PCDHGA10: variants seen among roughly 807,000 people sequenced by gnomAD.
PCDHGA10 encodes protocadherin gamma subfamily A, 10.
A neutral mutation model predicts 59.5 loss-of-function variants in PCDHGA10; 42 were observed. The observed-to-expected ratio is 0.71, with a 90% CI of 0.55 to 0.91. The LOEUF is 0.91. Among genes scored for constraint, PCDHGA10 ranks in the 40% least tolerant of loss-of-function variants. The probability of loss-of-function intolerance (pLI) is 0.00; values close to 1 mark genes in which losing one functional copy is unlikely to be tolerated. For missense variants in PCDHGA10, 1,111 were observed against 1,198.2 expected (o/e 0.93, Z 1.07); for synonymous variants, 511 against 517.2 (o/e 0.99, Z 0.16).
intron 1 of PCDHGA10, among the ~76,000 whole-genome samples, chr5:141,482,354 G>C (rs1461472845): frequency 6.6e-6 from 1 of 152,096 alleles, no homozygotes; most frequent in Non-Finnish European, 1.5e-5. Context: ...CTTGTTGTGA[G>C]AGTGAAAAGT....
Position 141,431,349 on chromosome 5 carries a change from A to G in PCDHGA10, c.2436+15738A>G. 1.2e-6 allele frequency: 2 copies of G among 1,614,026 alleles called. No individual in the cohort carries two copies. The highest frequency in any genetic ancestry group is 4.5e-5 in the East Asian group (2 of 44,874). On this transcript the variant is annotated intron_variant, in intron 1 of 3. Coordinates refer to ENST00000398610, the MANE Select transcript of PCDHGA10 (RefSeq NM_018913.3). This position sits in a 1 kb window ranked among gnomAD's most constrained non-coding sequence, Gnocchi z 4.8. ...AGTAAGTACCCCGAATTGGTGCTGAAACGCGCCCTGGACCGCGAAGAAAAG... is the reference window on the plus strand; with the variant it reads ...AGTAAGTACCCCGAATTGGTGCTGAGACGCGCCCTGGACCGCGAAGAAAAG...
At chr5:141,425,258 G>T (rs965944291) in intron 1 of PCDHGA10, among the ~76,000 whole-genome samples, 2 of 152,134 alleles carry the variant, frequency 1.3e-5, no homozygotes, top group Non-Finnish European at 2.9e-5. Context: ...GAGGTATTTG[G>T]CTGGGAAAAG....
Position 141,414,342 on chromosome 5 carries a change from C to A in PCDHGA10, c.1167C>A (p.Ser389=). Residue 389 remains serine, a synonymous_variant, in exon 1 of 4, where the codon TCC becomes TCA. Coordinates refer to ENST00000398610, the MANE Select transcript of PCDHGA10 (RefSeq NM_018913.3). ...AGCAGAATGGACAGGTAACCTGTTC[C>A]ATTTTGGCGTATCTACCATTTAAAT... ...DSEQNGQVTC[S]ILAYLPFKLE... is the part of the protein sequence containing the mutation. The A allele has an allele frequency of 1.2e-6, 2 of 1,613,810 alleles. No homozygotes were observed. The highest frequency in any genetic ancestry group is 2.2e-5 in the East Asian group (1 of 44,852).
chr5:141,495,107 A>G (rs559621284), intron 2 of PCDHGA10, among the ~76,000 whole-genome samples: 1 of 152,166 alleles, frequency 6.6e-6, no homozygotes, highest in East Asian at 1.9e-4. Flanking sequence ...CACGACCGGC[A>G]CCTTTTCCTA....
chr5:141,508,535 C>A (rs1294413041), intron 3 of PCDHGA10, among the ~76,000 whole-genome samples: 1 of 152,172 alleles, frequency 6.6e-6, no homozygotes, highest in Non-Finnish European at 1.5e-5. Context: ...GGGCACCCCC[C>A]ACGAGGTGGG....
intron 1 of PCDHGA10, chr5:141,429,167 TATAC>T (rs1240034860): frequency 7.3e-6 from 1 of 136,106 alleles, no homozygotes; most frequent in African/African-American, 2.9e-5. Flanking sequence ...AGACATTGTT[TATAC>T]ACACACACAC....
At chr5:141,497,745 G>C (rs1475395529) in intron 2 of PCDHGA10, among the ~76,000 whole-genome samples, 1 of 152,070 alleles carries the variant, frequency 6.6e-6, no homozygotes, top group Non-Finnish European at 1.5e-5. Flanking sequence ...CGCCACGTTG[G>C]CCAGGCTGGT....
Position 141,511,267 on chromosome 5 carries a change from C to T in PCDHGA10, c.*94C>T, listed in dbSNP as rs1223074819. 1.3e-6 allele frequency: 2 copies of T among 1,549,404 alleles called. No homozygotes were observed. Among genetic ancestry groups the T allele is most frequent in the Non-Finnish European group, 1.7e-6 (2 of 1,146,836 alleles). On this transcript the variant is annotated 3_prime_UTR_variant, in exon 4 of 4. Transcript: ENST00000398610. ...CCAGGCCTCAGAGTTTCAGGGCTAA[C>T]CCCCAGAATACTGGTAGGGGCCAAG...
At position 141,419,268 on chromosome 5, in the gene PCDHGA10, C is replaced by T. The variant is rs1240259934; in HGVS notation, c.2436+3657C>T. 6.2e-6 allele frequency: 10 copies of T among 1,614,050 alleles called. No homozygotes were observed. The East Asian group carries it at 2.2e-4, about 36-fold the overall frequency. ...CCAGAAAACAACCAGCCGGGTGCCT[C>T]CATAGCGCAAGTCAGTGCCTCTGAC... is the stretch of plus-strand genomic sequence containing the variant. On this transcript the variant is annotated intron_variant, in intron 1 of 3. Transcript: ENST00000398610.
chr5:141,480,816 G>A (rs1400500941), intron 1 of PCDHGA10, among the ~76,000 whole-genome samples: 4 of 152,208 alleles, frequency 2.6e-5, no homozygotes, highest in Admixed American at 2.0e-4. Flanking sequence ...GGAGGCTGAG[G>A]TGGGTGGATC....
chr5:141,464,306 A>G (rs1438401635), intron 1 of PCDHGA10, among the ~76,000 whole-genome samples: 3 of 150,952 alleles, frequency 2.0e-5, no homozygotes. Context: ...TTGTATGTGC[A>G]CATATCATTA....
At chr5:141,447,082 T>C (rs1259827606) in intron 1 of PCDHGA10, among the ~76,000 whole-genome samples, 3 of 152,156 alleles carry the variant, frequency 2.0e-5, no homozygotes, top group Non-Finnish European at 2.9e-5. Context: ...ATTTTTGTTG[T>C]TTAATTTTCT....
intron 1 of PCDHGA10, among the ~76,000 whole-genome samples, chr5:141,464,625 T>C (rs1477206347): frequency 6.6e-6 from 1 of 152,190 alleles, no homozygotes; most frequent in East Asian, 1.9e-4. Context: ...TGTCAAGCTT[T>C]TTAATTGTTG....
At chr5:141,479,241 G>A (rs2099490987) in intron 1 of PCDHGA10, 1 of 152,174 alleles carries the variant, frequency 6.6e-6, no homozygotes, top group Non-Finnish European at 1.5e-5. Context: ...CAAACCCAAA[G>A]ATAACCATTT....
At position 141,510,984 on chromosome 5, in the gene PCDHGA10, C is replaced by T. The variant is rs375865663; in HGVS notation, c.2622C>T (p.Ala874=). The change falls in exon 4 of 4, where the codon GCC becomes GCT. Residue 874 remains alanine (A), a synonymous_variant. Coordinates refer to ENST00000398610, the MANE Select transcript of PCDHGA10 (RefSeq NM_018913.3). ...GGAGCTCCACCCTGGGAGGGGGTGC[C>T]GGCACCATGGGATTGAGCGCCCGCT... The part of the protein sequence containing the change: ...ADGSSTLGGG[A]GTMGLSARYG... 20 of 1,614,044 alleles carry T rather than the reference C, an allele frequency of 1.2e-5. No homozygotes were observed. The East Asian group carries it at 1.6e-4, about 13-fold the overall frequency.
chr5:141,449,916 T>C (rs1453191109), intron 1 of PCDHGA10, among the ~76,000 whole-genome samples: 1 of 151,912 alleles, frequency 6.6e-6, no homozygotes, highest in East Asian at 1.9e-4. Context: ...CATATTTAAA[T>C]TCTACCATAC....
chr5:141,422,175 T>G (rs2096631593), intron 1 of PCDHGA10: 1 of 1,564,276 alleles, frequency 6.4e-7, no homozygotes, highest in Non-Finnish European at 8.6e-7. Context: ...ATAGATTCTA[T>G]GAGATGGAAA....
At chr5:141,421,564 G>T (rs2096583836) in intron 1 of PCDHGA10, 2 of 1,613,864 alleles carry the variant, frequency 1.2e-6, no homozygotes, top group Admixed American at 3.3e-5. Flanking sequence ...TCTCGTGGAA[G>T]ACACCTTGAA....
rs144789830 is a variant in PCDHGA10 at position 141,503,198 on chromosome 5, C to T, written c.2496-2195C>T. Among the ~76,000 whole-genome samples the T allele has an allele frequency of 3.7e-3, 561 of 152,172 alleles. 5 individuals carry two copies. Among genetic ancestry groups the T allele is most frequent in the Admixed American group, 0.011 (164 of 15,268 alleles). ...TATTGTGTAATTATTTAAAATCAGC[C>T]TCTCAGTGCCCACCATGAGCACCGT... On this transcript the variant is annotated intron_variant, in intron 2 of 3. Coordinates refer to ENST00000398610, the MANE Select transcript of PCDHGA10 (RefSeq NM_018913.3).
Sources: allele counts gnomAD v4.1 joint callset (sites outside exome capture counted in the v4.1 genomes callset), GRCh38; gene constraint gnomAD v4.1.1; non-coding constraint Gnocchi (gnomAD v3.1); transcripts MANE v1.5; gene names NCBI Gene and HGNC (gene_info 2026-07-23, HGNC 2026-07-21).